The following GRM8 variants were observed in gnomAD, a reference collection of about 807,000 sequenced individuals.
The protein encoded by GRM8 is metabotropic glutamate receptor 8.
GRM8 carries 47 observed loss-of-function variants against 87.2 expected under a neutral mutation model. The observed-to-expected ratio is 0.54, with a 90% CI of 0.43 to 0.69. The LOEUF (loss-of-function observed/expected upper bound fraction) is 0.69. Among genes scored for constraint, GRM8 ranks in the 30% least tolerant of loss-of-function variants. GRM8 has a pLI of 0.00. For synonymous variants in GRM8, 396 were observed against 404.5 expected, an observed-to-expected ratio of 0.98 and a Z score of 0.25; for missense variants, 1,019 against 1,139.2, an observed-to-expected ratio of 0.89 and a Z score of 1.52.
chr7:126,993,905 C>T (rs368130902), intron 3 of GRM8, among the ~76,000 whole-genome samples: 2 of 152,088 alleles, frequency 1.3e-5, no homozygotes, highest in Non-Finnish European at 2.9e-5. Flanking sequence ...GAAAGGCAGT[C>T]GAGGACACAA....
At chr7:127,246,729 A>C (rs1251340693) in intron 1 of GRM8, among the ~76,000 whole-genome samples, 1 of 152,192 alleles carries the variant, frequency 6.6e-6, no homozygotes, top group Admixed American at 6.5e-5. Flanking sequence ...GTTTCCTAAA[A>C]GGCCAGAAGG....
intron 7 of GRM8, among the ~76,000 whole-genome samples, chr7:126,698,973 G>C (rs1292894703): frequency 2.0e-5 from 3 of 152,122 alleles, no homozygotes; most frequent in Non-Finnish European, 4.4e-5. Flanking sequence ...TCTCTGTAAA[G>C]GTAAATAAAC....
chr7:126,460,697 G>A (rs1803799415), intron 9 of GRM8, among the ~76,000 whole-genome samples: 1 of 151,488 alleles, frequency 6.6e-6, no homozygotes, highest in African/African-American at 2.4e-5. Context: ...TTATTACCGT[G>A]ACCAGGTACC....
At position 127,243,518 on chromosome 7, in the gene GRM8, G is replaced by T; in HGVS notation, c.-311-3C>A. ...TCAGCCTTGTAGCAGAATTATTCCT[G>T]GGAAGAGGGGAAAAAAGGGGGTTCA... is the stretch of plus-strand genomic sequence containing the variant. On this transcript the variant is annotated splice_polypyrimidine_tract_variant and splice_region_variant and intron_variant, in intron 1 of 10. Transcript: ENST00000339582. The T allele has an allele frequency of 3.2e-6, 1 of 307,890 alleles. No homozygotes were observed. Among genetic ancestry groups the T allele is most frequent in the Non-Finnish European group, 5.9e-6 (1 of 168,278 alleles). 19.1% of individuals were successfully genotyped at this position (307,890 alleles called of 1,614,324 possible).
intron 2 of GRM8, among the ~76,000 whole-genome samples, chr7:127,182,703 A>T (rs1794533598): frequency 6.6e-6 from 1 of 150,622 alleles, no homozygotes; most frequent in Non-Finnish European, 1.5e-5. Flanking sequence ...ATATGATGGA[A>T]TACTATGCAG....
chr7:127,126,031 T>G (rs1827352035), intron 2 of GRM8, among the ~76,000 whole-genome samples: 1 of 152,004 alleles, frequency 6.6e-6, no homozygotes, highest in South Asian at 2.1e-4. Flanking sequence ...TTGGTAGAAA[T>G]GTAAATTTTT....
At chr7:126,856,614 T>A (rs1797706330) in intron 6 of GRM8, among the ~76,000 whole-genome samples, 1 of 152,226 alleles carries the variant, frequency 6.6e-6, no homozygotes, top group Non-Finnish European at 1.5e-5. Context: ...AGTCCCATGA[T>A]GTAGATAAAG....
At chr7:127,139,942 C>A (rs893045207) in intron 2 of GRM8, among the ~76,000 whole-genome samples, 1 of 152,104 alleles carries the variant, frequency 6.6e-6, no homozygotes, top group African/African-American at 2.4e-5. Flanking sequence ...GGTTCCCTCA[C>A]AGGCCCATGG....
chr7:127,067,158 C>T (rs1398496657), intron 3 of GRM8, among the ~76,000 whole-genome samples: 1 of 152,134 alleles, frequency 6.6e-6, no homozygotes, highest in Non-Finnish European at 1.5e-5. Context: ...GCCCTGTTGC[C>T]CTTCATCTTT....
At chr7:126,975,128 A>C (rs1340714619) in intron 3 of GRM8, among the ~76,000 whole-genome samples, 1 of 152,042 alleles carries the variant, frequency 6.6e-6, no homozygotes, top group Non-Finnish European at 1.5e-5. Context: ...TGAAACAAAA[A>C]ATATTTCCTC....
At chr7:126,625,725 G>A (rs1437653144) in intron 7 of GRM8, among the ~76,000 whole-genome samples, 1 of 152,048 alleles carries the variant, frequency 6.6e-6, no homozygotes. Context: ...GCATCTCAGG[G>A]AAGCAGATGA....
chr7:127,219,866 C>A (rs1796808883), intron 2 of GRM8, among the ~76,000 whole-genome samples: 1 of 152,290 alleles, frequency 6.6e-6, no homozygotes, highest in South Asian at 2.1e-4. Flanking sequence ...CACCACGGAT[C>A]TGCTGACCTG....
chr7:126,523,748 C>T lies in GRM8; in HGVS notation c.2430+9204G>A, dbSNP rs148003424. ...CTTGGCCTCAGCGATCTGCCCACCT[C>T]GACCTCCCGAAGTGCTGGCATTACA... On this transcript the variant is annotated intron_variant, in intron 9 of 10. Coordinates refer to ENST00000339582, the MANE Select transcript of GRM8 (RefSeq NM_000845.3). 4.9e-4 allele frequency among the ~76,000 whole-genome samples: 75 copies of T among 152,180 alleles called. No homozygotes were observed. The East Asian group carries it at 0.013, about 25-fold the overall frequency.
At chr7:126,609,519 A>G (rs1336611304) in intron 7 of GRM8, 21 bp from the exon 8 acceptor site, 1 of 1,596,688 alleles carries the variant, frequency 6.3e-7, no homozygotes, top group East Asian at 2.2e-5. Flanking sequence ...TTAGAAAACA[A>G]TGTTAATAAA....
chr7:126,563,310 T>G (rs905902694), intron 8 of GRM8, among the ~76,000 whole-genome samples: 3 of 149,242 alleles, frequency 2.0e-5, no homozygotes, highest in Admixed American at 2.0e-4. Context: ...AAAAAAAACA[T>G]ATTTAATCAA....
At chr7:126,524,815 G>A (rs960960385) in intron 9 of GRM8, among the ~76,000 whole-genome samples, 3 of 151,782 alleles carry the variant, frequency 2.0e-5, no homozygotes, top group Non-Finnish European at 4.4e-5. Context: ...TTAGTTTCTG[G>A]GATCATATGC....
intron 8 of GRM8, among the ~76,000 whole-genome samples, chr7:126,566,412 A>C (rs1023114278): frequency 6.6e-6 from 1 of 152,220 alleles, no homozygotes; most frequent in Non-Finnish European, 1.5e-5. Context: ...GACAATAGCT[A>C]TGAGAACAAA....
chr7:127,106,828 C>T lies in GRM8; in HGVS notation c.511-116G>A, dbSNP rs1006564784. 1.3e-5 allele frequency: 9 copies of T among 710,752 alleles called. No individual in the cohort carries two copies. The Admixed American group carries it at 2.1e-4, about 17-fold the overall frequency. The allele number at this position is 710,752 out of a possible 1,614,324, so 44.0% of individuals were successfully genotyped here. ...GAAACCTAGACATATCAACCTGAAG[C>T]CAAAATACAGTTTTATGACTACCAA... is the stretch of plus-strand genomic sequence containing the variant. On this transcript the variant is annotated intron_variant, in intron 2 of 10. Transcript: ENST00000339582.
chr7:126,862,848 T>G (rs776972949), intron 6 of GRM8, among the ~76,000 whole-genome samples: 55 of 152,194 alleles, frequency 3.6e-4, no homozygotes, highest in Non-Finnish European at 7.1e-4. Flanking sequence ...AATGTGTGCT[T>G]TTTAAATTGA....
Sources: gnomAD v4.1 joint callset for allele counts (sites outside exome capture counted in the v4.1 genomes callset) on GRCh38, gnomAD v4.1.1 for gene constraint, MANE v1.5 for transcripts, NCBI Gene and HGNC (gene_info 2026-07-23, HGNC 2026-07-21) for gene names.